LMCD1: variants seen among roughly 807,000 people sequenced by gnomAD.
The protein encoded by LMCD1 is LIM and cysteine-rich domains protein 1.
A neutral mutation model predicts 42.7 loss-of-function variants in LMCD1; 32 were observed. The ratio of observed to expected loss-of-function variants is 0.75; its 90% CI spans 0.57 to 1.01. The LOEUF is 1.01. LMCD1 is among the 50% of genes least tolerant of loss of function. LMCD1 has a pLI of 0.00. For synonymous variants in LMCD1, 178 were observed against 184.9 expected, an observed-to-expected ratio of 0.96 and a Z score of 0.30; for missense variants, 458 against 483.1, an observed-to-expected ratio of 0.95 and a Z score of 0.49.
chr3:8,531,906 A>G lies in LMCD1; in HGVS notation c.43-831A>G, dbSNP rs186086598. 1.1e-3 allele frequency among the ~76,000 whole-genome samples: 161 copies of G among 152,260 alleles called. 1 individual carries two copies. The highest frequency in any genetic ancestry group is 3.3e-3 in the African/African-American group (139 of 41,560). ...CCAAGTCGTCCCCACCCCAACCCCA[A>G]TGGAGAGTTGGGTAAGTTTCTCAGC... On this transcript the variant is annotated intron_variant, in intron 1 of 5. Transcript: ENST00000157600.
chr3:8,551,151 A>G (rs978008608), intron 4 of LMCD1: 162 of 985,278 alleles, frequency 1.6e-4, no homozygotes, highest in Admixed American at 3.7e-4. Context: ...CCACAATTTT[A>G]CTTTAATTAT....
chr3:8,531,362 T>C (rs1355655469), intron 1 of LMCD1, among the ~76,000 whole-genome samples: 4 of 152,172 alleles, frequency 2.6e-5, no homozygotes, highest in African/African-American at 9.7e-5. Context: ...TAAGAAGAAG[T>C]AGTCTGCTCT....
Position 8,561,026 on chromosome 3 carries a change from T to C in LMCD1, c.724-4406T>C, listed in dbSNP as rs544461845. ...AGTGTTCTTTTCCTAATTTTCACCA[T>C]TTTAATGTTTATTTCCTCTTCAATA... On this transcript the variant is annotated intron_variant, in intron 4 of 5. Transcript: ENST00000157600. Among the ~76,000 whole-genome samples the C allele has an allele frequency of 6.6e-5, 10 of 152,352 alleles. No individual in the cohort carries two copies. In the South Asian group the frequency reaches 2.1e-3, roughly 32 times the overall value.
rs1695253788 is a variant in LMCD1 at position 8,573,540 on chromosome 3, T to C, written c.*5942T>C. 1 of 152,228 alleles carries C rather than the reference T, an allele frequency of 6.6e-6. No individual in the cohort carries two copies. Among genetic ancestry groups the C allele is most frequent in the African/African-American group, 2.4e-5 (1 of 41,464 alleles). 9.4% of individuals were successfully genotyped at this position (152,228 alleles called of 1,614,324 possible). Reference sequence around the variant, plus strand: ...GAAAAAGTTACATGAAAGATGAAACTATGCAATGGCATGGCTGTTGGTCAT... The same window carrying C: ...GAAAAAGTTACATGAAAGATGAAACCATGCAATGGCATGGCTGTTGGTCAT... On this transcript the variant is annotated 3_prime_UTR_variant, in exon 6 of 6. Coordinates refer to ENST00000157600, the MANE Select transcript of LMCD1 (RefSeq NM_014583.4).
chr3:8,530,108 G>T (rs148240128), intron 1 of LMCD1, among the ~76,000 whole-genome samples: 1 of 152,148 alleles, frequency 6.6e-6, no homozygotes, highest in Admixed American at 6.5e-5. Flanking sequence ...TGCTTCTAAC[G>T]TAGGCTGGCC....
chr3:8,560,396 C>A (rs1695011607), intron 4 of LMCD1, among the ~76,000 whole-genome samples: 1 of 152,184 alleles, frequency 6.6e-6, no homozygotes, highest in African/African-American at 2.4e-5. Flanking sequence ...TTCAGTGTAT[C>A]ATCAGGGTGC....
chr3:8,517,891 T>C (rs1367274689), intron 1 of LMCD1, among the ~76,000 whole-genome samples: 1 of 152,142 alleles, frequency 6.6e-6, no homozygotes, highest in African/African-American at 2.4e-5. Context: ...ATCACACAGA[T>C]GGTATATGGA....
intron 4 of LMCD1, among the ~76,000 whole-genome samples, chr3:8,558,682 G>A (rs1322733072): frequency 1.3e-5 from 2 of 152,152 alleles, no homozygotes; most frequent in African/African-American, 2.4e-5. Context: ...TCCTTAATAG[G>A]GGAAGTAACC....
chr3:8,567,450 C>A lies in LMCD1; in HGVS notation c.950C>A (p.Ala317Asp), dbSNP rs1695148047. 6.2e-7 allele frequency: 1 copy of A among 1,613,884 alleles called. No individual in the cohort carries two copies. Among genetic ancestry groups the A allele is most frequent in the African/African-American group, 1.3e-5 (1 of 74,998 alleles). The stretch of plus-strand genomic sequence containing the variant: ...TGCTCCCCTCCCCAGATAATATTCG[C>A]TGAGGACTACCAGCGTGTGGAAGAT... ...RCSGCDEIIF[A>D]EDYQRVEDLA... The change falls in exon 6 of 6, where the codon GCT becomes GAT. Residue 317 changes from alanine to aspartate, a missense_variant. Ala to Asp is a moderately radical substitution (Grantham distance 126). Transcript: ENST00000157600.
rs79528716 is a variant in LMCD1, at chr3:8,507,982, G to C, written c.42+6002G>C. 5.0e-3 allele frequency among the ~76,000 whole-genome samples: 768 copies of C among 152,264 alleles called. 7 individuals carry two copies. The highest frequency in any genetic ancestry group is 0.017 in the African/African-American group (699 of 41,554). ...ATTTGCAAAATGTTGCTAGGCACCT[G>C]TATCTCTTTGATATCTCTTGGTCAC... On this transcript the variant is annotated intron_variant, in intron 1 of 5. Coordinates refer to ENST00000157600, the MANE Select transcript of LMCD1 (RefSeq NM_014583.4).
intron 4 of LMCD1, among the ~76,000 whole-genome samples, chr3:8,557,709 T>C (rs926923584): frequency 6.6e-6 from 1 of 152,226 alleles, no homozygotes; most frequent in Admixed American, 6.5e-5. Flanking sequence ...ATTCTGCATG[T>C]ACACATTTGA....
At chr3:8,553,380 T>G (rs763288518) in intron 4 of LMCD1, among the ~76,000 whole-genome samples, 1 of 151,738 alleles carries the variant, frequency 6.6e-6, no homozygotes, top group Non-Finnish European at 1.5e-5. Flanking sequence ...TGGAAAAAAA[T>G]GTCCACACCA....
In LMCD1 at chr3:8,537,409, A is replaced by T. The variant is rs754867974; in HGVS notation, c.356A>T (p.Glu119Val). ...CCCACTTTTGACACCATCACCTACGAGTGGGCTCCCCCTGGAGTCACCCAG... is the reference window on the plus strand; with the variant it reads ...CCCACTTTTGACACCATCACCTACGTGTGGGCTCCCCCTGGAGTCACCCAG... The part of the protein sequence containing the change: ...KDPTFDTITY[E>V]WAPPGVTQKL... The change falls in exon 3 of 6, where the codon GAG becomes GTG. Residue 119 changes from glutamate to valine, a missense_variant. Physicochemically the swap from Glu to Val is moderately radical, Grantham distance 121. Transcript: ENST00000157600. The T allele has an allele frequency of 1.2e-6, 2 of 1,606,540 alleles. No individual in the cohort carries two copies. Among genetic ancestry groups the T allele is most frequent in the South Asian group, 1.1e-5 (1 of 90,402 alleles).
intron 1 of LMCD1, among the ~76,000 whole-genome samples, chr3:8,508,426 G>C (rs1372975336): frequency 6.6e-6 from 1 of 152,186 alleles, no homozygotes; most frequent in Non-Finnish European, 1.5e-5. Flanking sequence ...ACAAAGGAGT[G>C]CCAGTGTCCA....
intron 1 of LMCD1, among the ~76,000 whole-genome samples, chr3:8,508,634 T>G (rs1377291494): frequency 6.6e-6 from 1 of 152,160 alleles, no homozygotes; most frequent in Non-Finnish European, 1.5e-5. Flanking sequence ...GGGGGAGAAA[T>G]GGCATATCTG....
chr3:8,552,272 A>G (rs1165717669), intron 4 of LMCD1, among the ~76,000 whole-genome samples: 1 of 152,180 alleles, frequency 6.6e-6, no homozygotes, highest in African/African-American at 2.4e-5. Flanking sequence ...TCTGCCTAAA[A>G]TCAAGTCTAT....
In LMCD1 at chr3:8,537,230, A is replaced by AGAAC; in HGVS notation, c.177_178insGAAC (p.Thr60GlufsTer4). ...AATGCAGCCAAGAGGACCACTGCCT[A>AGAAC]ACATCTGACCTAGAAGACGATCGGA... On this transcript the variant is annotated frameshift_variant, in exon 3 of 6. Coordinates refer to ENST00000157600, the MANE Select transcript of LMCD1 (RefSeq NM_014583.4). LOFTEE classifies it high-confidence loss of function. The AGAAC allele has an allele frequency of 6.2e-7, 1 of 1,614,154 alleles. No homozygotes were observed. Among genetic ancestry groups the AGAAC allele is most frequent in the Admixed American group, 1.7e-5 (1 of 60,014 alleles).
At chr3:8,502,329 A>ATATATT in intron 1 of LMCD1, among the ~76,000 whole-genome samples, 1 of 20,230 alleles carries the variant, frequency 4.9e-5, no homozygotes. Context: ...TATTATATAT[A>ATATATT]ATATATATTA....
At chr3:8,533,898 T>A (rs902897202) in intron 2 of LMCD1, among the ~76,000 whole-genome samples, 7 of 151,770 alleles carry the variant, frequency 4.6e-5, no homozygotes, top group African/African-American at 1.5e-4. Flanking sequence ...CCCTGACAGT[T>A]CCCAACCTCA....
Sources: gnomAD v4.1 joint callset for allele counts (sites outside exome capture counted in the v4.1 genomes callset) on GRCh38, gnomAD v4.1.1 for gene constraint, MANE v1.5 for transcripts, NCBI Gene and HGNC (gene_info 2026-07-23, HGNC 2026-07-21) for gene names.